Variants in CEP112 observed in about 807,000 individuals in gnomAD.
CEP112 encodes the protein centrosomal protein 112, also known as centrosomal protein of 112 kDa.
CEP112 carries 127 observed loss-of-function variants against 153.0 expected under a neutral mutation model. The observed-to-expected ratio is 0.83, with a 90% CI of 0.72 to 0.96. The LOEUF (loss-of-function observed/expected upper bound fraction) is 0.96, where lower values mean the gene tolerates loss of function less well. CEP112 is among the 40% of genes least tolerant of loss of function. The probability of loss-of-function intolerance (pLI) is 0.00; values close to 1 mark genes in which losing one functional copy is unlikely to be tolerated. For synonymous variants in CEP112, 358 were observed against 374.4 expected (o/e 0.96, Z 0.51); for missense variants, 1,089 against 1,101.2 (o/e 0.99, Z 0.16).
In CEP112 at chr17:65,742,394, C is replaced by T. The variant is rs2051190373; in HGVS notation, c.2607+674G>A. The stretch of plus-strand genomic sequence containing the variant: ...CCTTATTTATAAAGGTTTCCAGATG[C>T]TTATCCTCACACATTAAACCCAGTA... On this transcript the variant is annotated intron_variant, in intron 23 of 26. Transcript: ENST00000535342. 2.0e-5 allele frequency among the ~76,000 whole-genome samples: 3 copies of T among 152,244 alleles called. No homozygotes were observed. The South Asian group carries it at 6.2e-4, about 32-fold the overall frequency.
intron 20 of CEP112, among the ~76,000 whole-genome samples, chr17:65,896,005 T>A (rs1280382541): frequency 6.6e-6 from 1 of 152,076 alleles, no homozygotes; most frequent in Non-Finnish European, 1.5e-5. Flanking sequence ...TCTAAAGAAA[T>A]CCATTAAATA....
chr17:66,160,187 C>T (rs1410240973), intron 4 of CEP112, among the ~76,000 whole-genome samples: 1 of 151,956 alleles, frequency 6.6e-6, no homozygotes, highest in East Asian at 1.9e-4. Flanking sequence ...CCAAGGAAAT[C>T]AGAGAGGACA....
At chr17:65,862,135 A>T (rs532424438) in intron 20 of CEP112, among the ~76,000 whole-genome samples, 1 of 152,386 alleles carries the variant, frequency 6.6e-6, no homozygotes, top group South Asian at 2.1e-4. Context: ...AAACAAAAAT[A>T]ATATTTTGTT....
chr17:65,739,357 A>C (rs1453991161), intron 23 of CEP112, among the ~76,000 whole-genome samples: 2 of 152,242 alleles, frequency 1.3e-5, no homozygotes, highest in African/African-American at 4.8e-5. Flanking sequence ...GACTTTGAAC[A>C]TAAGGAGTGA....
At chr17:65,989,602 T>TTG (rs2063524996) in intron 17 of CEP112, among the ~76,000 whole-genome samples, 2 of 152,224 alleles carry the variant, frequency 1.3e-5, no homozygotes, top group South Asian at 4.1e-4. Flanking sequence ...AGAACCATCT[T>TTG]ACAACAAATG....
intron 2 of CEP112, among the ~76,000 whole-genome samples, chr17:66,177,328 G>C (rs1240421594): frequency 7.2e-5 from 11 of 152,080 alleles, no homozygotes; most frequent in Non-Finnish European, 1.3e-4. Flanking sequence ...GCTAACTCCT[G>C]GTCTACAATT....
At chr17:65,690,107 A>C (rs1406475158) in intron 23 of CEP112, among the ~76,000 whole-genome samples, 6 of 143,106 alleles carry the variant, frequency 4.2e-5, no homozygotes, top group African/African-American at 1.6e-4. Context: ...ATGAAAGAAA[A>C]CAGACCAAAA....
At chr17:65,920,389 ATATATATATATATATAAT>A (rs2060671236) in intron 19 of CEP112, among the ~76,000 whole-genome samples, 1 of 110,436 alleles carries the variant, frequency 9.1e-6, no homozygotes, top group South Asian at 2.6e-4. Flanking sequence ...ATATATATAT[ATATATATATATATATAAT>A]TATAATATAT....
chr17:65,853,280 C>T (rs1283926006), intron 20 of CEP112, among the ~76,000 whole-genome samples: 1 of 151,964 alleles, frequency 6.6e-6, no homozygotes, highest in Admixed American at 6.6e-5. Flanking sequence ...TGTGTAAATG[C>T]ATCATTCCAA....
At chr17:65,886,772 C>G (rs895593137) in intron 20 of CEP112, among the ~76,000 whole-genome samples, 4 of 152,086 alleles carry the variant, frequency 2.6e-5, no homozygotes, top group African/African-American at 9.7e-5. Context: ...CATGTCAAAC[C>G]AAATTAATGT....
At chr17:65,922,244 T>C (rs1355400002) in intron 19 of CEP112, among the ~76,000 whole-genome samples, 1 of 152,158 alleles carries the variant, frequency 6.6e-6, no homozygotes, top group Non-Finnish European at 1.5e-5. Flanking sequence ...TCTCTTTCCT[T>C]TGCCAGGTCA....
At chr17:65,780,212 G>A (rs2053921695) in intron 21 of CEP112, among the ~76,000 whole-genome samples, 1 of 151,918 alleles carries the variant, frequency 6.6e-6, no homozygotes, top group African/African-American at 2.4e-5. Flanking sequence ...ATATTTACAT[G>A]GCTAACACCC....
chr17:66,066,694 G>C, intron 10 of CEP112, 84 bp downstream of exon 10: 1 of 903,994 alleles, frequency 1.1e-6, no homozygotes, highest in Non-Finnish European at 1.6e-6. Context: ...TACTATAAAA[G>C]GTCAGAAATC....
At chr17:65,966,872 T>C (rs1321645958) in intron 17 of CEP112, among the ~76,000 whole-genome samples, 1 of 152,188 alleles carries the variant, frequency 6.6e-6, no homozygotes, top group African/African-American at 2.4e-5. Context: ...TTAGTATTGG[T>C]CTTAATATTG....
intron 24 of CEP112, among the ~76,000 whole-genome samples, chr17:65,671,502 C>T (rs943783379): frequency 3.9e-5 from 6 of 152,202 alleles, no homozygotes; most frequent in African/African-American, 1.4e-4. Context: ...TTGGTACAAA[C>T]TCCCTGAACC....
At chr17:66,067,392 G>T (rs2067162552) in intron 9 of CEP112, among the ~76,000 whole-genome samples, 2 of 152,140 alleles carry the variant, frequency 1.3e-5, no homozygotes, top group African/African-American at 4.8e-5. Context: ...CTTTTTCTCA[G>T]ATTAGCATAA....
At position 66,082,259 on chromosome 17, in the gene CEP112, C is replaced by T. The variant is rs567926453; in HGVS notation, c.769-12258G>A. Among the ~76,000 whole-genome samples the T allele has an allele frequency of 1.1e-4, 17 of 152,150 alleles. No homozygotes were observed. In the East Asian group the frequency reaches 1.9e-3, roughly 17 times the overall value. ...AAAAAGAAAGAAAGAAAGAAAGACC[C>T]GTTGCTTGATGATGCTCACTGTCAC... On this transcript the variant is annotated intron_variant, in intron 8 of 26. Transcript: ENST00000535342.
chr17:65,980,967 G>A (rs1039690565), intron 17 of CEP112, among the ~76,000 whole-genome samples: 2 of 151,970 alleles, frequency 1.3e-5, no homozygotes, highest in Non-Finnish European at 2.9e-5. Flanking sequence ...TAGTAGTGAC[G>A]CTTCTATTAA....
At chr17:65,980,588 C>T (rs1402450030) in intron 17 of CEP112, among the ~76,000 whole-genome samples, 6 of 152,256 alleles carry the variant, frequency 3.9e-5, no homozygotes, top group African/African-American at 1.4e-4. Flanking sequence ...TATTTTCTGT[C>T]CCTTCCTTCA....
Sources: gnomAD v4.1 joint callset for allele counts (sites outside exome capture counted in the v4.1 genomes callset) on GRCh38, gnomAD v4.1.1 for gene constraint, MANE v1.5 for transcripts, NCBI Gene and HGNC (gene_info 2026-07-23, HGNC 2026-07-21) for gene names.